The following CDH12 variants were observed in gnomAD, a reference collection of about 807,000 sequenced individuals.
The protein encoded by CDH12 is cadherin 12.
CDH12 carries 41 observed loss-of-function variants against 74.1 expected under a neutral mutation model. The observed-to-expected ratio is 0.55, with a 90% CI of 0.43 to 0.72. The LOEUF (loss-of-function observed/expected upper bound fraction) is 0.72. CDH12 is among the 30% of genes least tolerant of loss of function. The probability of loss-of-function intolerance (pLI) is 0.00; values close to 1 mark genes in which losing one functional copy is unlikely to be tolerated. For missense variants in CDH12, 945 were observed against 977.2 expected (o/e 0.97, Z 0.44); for synonymous variants, 399 against 355.0 (o/e 1.12, Z -1.39).
At chr5:21,874,776 A>G (rs1751841269) in intron 6 of CDH12, among the ~76,000 whole-genome samples, 1 of 152,160 alleles carries the variant, frequency 6.6e-6, no homozygotes, top group Non-Finnish European at 1.5e-5. Flanking sequence ...CTTCTGATCC[A>G]GCCAGGCGGT....
At chr5:21,949,826 A>C (rs1310421314) in intron 6 of CDH12, among the ~76,000 whole-genome samples, 2 of 152,242 alleles carry the variant, frequency 1.3e-5, no homozygotes, top group Non-Finnish European at 2.9e-5. Context: ...AGTTAAAAAT[A>C]AGTTAAAAAG....
chr5:22,695,947 AT>A (rs146479246), intron 1 of CDH12, among the ~76,000 whole-genome samples: 205 of 152,226 alleles, frequency 1.3e-3, no homozygotes, highest in African/African-American at 4.8e-3. Flanking sequence ...ATGAACACTC[AT>A]TTTTTATTCA....
At chr5:22,102,119 AT>A (rs1744171713) in intron 4 of CDH12, among the ~76,000 whole-genome samples, 1 of 152,176 alleles carries the variant, frequency 6.6e-6, no homozygotes, top group Non-Finnish European at 1.5e-5. Flanking sequence ...ATAATTGGAT[AT>A]TGGCGTCAGA....
intron 3 of CDH12, among the ~76,000 whole-genome samples, chr5:22,312,101 G>A (rs1738420044): frequency 6.6e-6 from 1 of 151,960 alleles, no homozygotes; most frequent in African/African-American, 2.4e-5. Context: ...CGATTTAGAA[G>A]TAGATATACA....
intron 5 of CDH12, among the ~76,000 whole-genome samples, chr5:22,035,136 T>C (rs1469686881): frequency 1.3e-5 from 2 of 152,174 alleles, no homozygotes; most frequent in East Asian, 3.8e-4. Context: ...CCTTTATATT[T>C]AGTCATGTAC....
chr5:22,802,658 A>G (rs750225187), intron 1 of CDH12, among the ~76,000 whole-genome samples: 28 of 152,028 alleles, frequency 1.8e-4, no homozygotes, highest in Non-Finnish European at 3.1e-4. Flanking sequence ...TTTAATGCTT[A>G]TAATAAGCAT....
intron 3 of CDH12, among the ~76,000 whole-genome samples, chr5:22,325,103 G>A (rs986392706): frequency 6.6e-6 from 1 of 152,196 alleles, no homozygotes; most frequent in African/African-American, 2.4e-5. Context: ...AAATGGTCGT[G>A]TTTTGGTGCT....
intron 3 of CDH12, among the ~76,000 whole-genome samples, chr5:22,231,683 C>T (rs996217677): frequency 6.6e-6 from 1 of 151,876 alleles, no homozygotes; most frequent in South Asian, 2.1e-4. Context: ...ATAAATTATA[C>T]TCTTCATGGG....
intron 2 of CDH12, among the ~76,000 whole-genome samples, chr5:22,496,042 C>A (rs992650848): frequency 2.0e-5 from 3 of 152,124 alleles, no homozygotes; most frequent in Admixed American, 6.6e-5. Context: ...CTATTAGATG[C>A]ACACGATTCT....
At chr5:22,261,553 A>T (rs1284406723) in intron 3 of CDH12, among the ~76,000 whole-genome samples, 1 of 152,182 alleles carries the variant, frequency 6.6e-6, no homozygotes. Context: ...TACTGGGCTC[A>T]TCTTGTCATA....
Position 21,816,977 on chromosome 5 carries a change from C to A in CDH12, c.970G>T (p.Asp324Tyr), listed in dbSNP as rs372716639. ...AATTTGATGACTCCCTCTTGTGTAT[C>A]CTCATCTGTGACGATGTCAAACAAA... ...GNLFDIVTDEDTQEGVIKLKK... is the reference protein window; with the variant it reads ...GNLFDIVTDEYTQEGVIKLKK... The change falls in exon 9 of 15, where the codon GAT becomes TAT. Residue 324 changes from aspartate (D) to tyrosine (Y), a missense_variant. This residue lies in a region of CDH12 where 791 missense variants were observed against 792.8 expected (regional missense o/e 1.00). Coordinates refer to ENST00000382254, the MANE Select transcript of CDH12 (RefSeq NM_004061.5). 6.2e-7 allele frequency: 1 copy of A among 1,611,788 alleles called. No individual in the cohort carries two copies. The highest frequency in any genetic ancestry group is 8.5e-7 in the Non-Finnish European group (1 of 1,178,614).
At chr5:22,509,553 A>G (rs1324205315) in intron 1 of CDH12, among the ~76,000 whole-genome samples, 3 of 152,166 alleles carry the variant, frequency 2.0e-5, no homozygotes, top group African/African-American at 7.2e-5. Context: ...ACAGAAAAAT[A>G]AGGGTATGAA....
chr5:22,266,071 T>G (rs1736089035), intron 3 of CDH12, among the ~76,000 whole-genome samples: 1 of 150,518 alleles, frequency 6.6e-6, no homozygotes, highest in South Asian at 2.1e-4. Flanking sequence ...ATTTATTTAT[T>G]TATTTATTTA....
intron 3 of CDH12, among the ~76,000 whole-genome samples, chr5:22,366,400 A>C (rs1322873214): frequency 6.6e-6 from 1 of 152,182 alleles, no homozygotes; most frequent in Non-Finnish European, 1.5e-5. Flanking sequence ...ATATATAAAC[A>C]GACTGATAGG....
At chr5:22,573,305 T>C (rs1467253179) in intron 1 of CDH12, among the ~76,000 whole-genome samples, 1 of 152,222 alleles carries the variant, frequency 6.6e-6, no homozygotes, top group African/African-American at 2.4e-5. Context: ...TTTTAAAATC[T>C]AACTTTTCAG....
chr5:22,104,877 G>A (rs759601606), intron 4 of CDH12, among the ~76,000 whole-genome samples: 1 of 152,036 alleles, frequency 6.6e-6, no homozygotes, highest in Admixed American at 6.6e-5. Flanking sequence ...TAAACTGGGC[G>A]GCTTCAACAG....
chr5:22,794,873 A>T (rs1581007227), intron 1 of CDH12, among the ~76,000 whole-genome samples: 1 of 152,168 alleles, frequency 6.6e-6, no homozygotes, highest in East Asian at 1.9e-4. Flanking sequence ...GAAAGACAAC[A>T]GATTCAAAGT....
At position 22,212,569 on chromosome 5, in the gene CDH12, G is replaced by A; in HGVS notation, c.-258C>T. 1.0e-6 allele frequency: 1 copy of A among 985,526 alleles called. No homozygotes were observed. Among genetic ancestry groups the A allele is most frequent in the South Asian group, 4.7e-5 (1 of 21,284 alleles). 61.0% of individuals were successfully genotyped at this position (985,526 alleles called of 1,614,324 possible). ...CAACCGTGAATGGGGTGGGGAGATC[G>A]AAGTTTTCAATCAACACCCTCCAAG... On this transcript the variant is annotated 5_prime_UTR_variant, in exon 4 of 15. Coordinates refer to ENST00000382254, the MANE Select transcript of CDH12 (RefSeq NM_004061.5).
At chr5:22,347,958 G>A (rs1233203895) in intron 3 of CDH12, among the ~76,000 whole-genome samples, 1 of 152,134 alleles carries the variant, frequency 6.6e-6, no homozygotes, top group South Asian at 2.1e-4. Flanking sequence ...GAGGCCATGG[G>A]GTTAAGCATA....
Sources: allele counts gnomAD v4.1 joint callset (sites outside exome capture counted in the v4.1 genomes callset), GRCh38; gene constraint gnomAD v4.1.1; regional missense constraint gnomAD v4.1.1; transcripts MANE v1.5; gene names NCBI Gene and HGNC (gene_info 2026-07-23, HGNC 2026-07-21).